SNTG1: variants seen among roughly 807,000 people sequenced by gnomAD.
The protein encoded by SNTG1 is gamma-1-syntrophin.
In SNTG1, 39 loss-of-function variants were observed where a neutral mutation model predicts 74.7. That is an observed-to-expected ratio of 0.52 (90% CI 0.40 to 0.68). The LOEUF (loss-of-function observed/expected upper bound fraction) is 0.68. Ranked by LOEUF, SNTG1 falls within the 30% of genes least tolerant of loss-of-function variation. The probability of loss-of-function intolerance (pLI) is 0.00; values close to 1 mark genes in which losing one functional copy is unlikely to be tolerated. For missense variants in SNTG1, 685 were observed against 609.5 expected (o/e 1.12, Z -1.30); for synonymous variants, 254 against 217.1 (o/e 1.17, Z -1.49).
intron 1 of SNTG1, among the ~76,000 whole-genome samples, chr8:49,925,957 T>C (rs1806984942): frequency 6.6e-6 from 1 of 152,116 alleles, no homozygotes; most frequent in African/African-American, 2.4e-5. Flanking sequence ...GCACACTTGA[T>C]CACTTAATAG....
intron 2 of SNTG1, among the ~76,000 whole-genome samples, chr8:50,254,944 GC>G (rs1424551657): frequency 8.0e-6 from 1 of 125,054 alleles, no homozygotes; most frequent in African/African-American, 2.8e-5. Flanking sequence ...CTCTTTTATT[GC>G]CACTTTTTTT....
At chr8:50,733,321 C>T (rs1352462245) in intron 17 of SNTG1, among the ~76,000 whole-genome samples, 2 of 151,282 alleles carry the variant, frequency 1.3e-5, no homozygotes, top group Non-Finnish European at 3.0e-5. Context: ...TTTTTTTTTC[C>T]AATCTACCAT....
At chr8:50,584,386 C>T (rs1438017969) in intron 12 of SNTG1, among the ~76,000 whole-genome samples, 1 of 152,052 alleles carries the variant, frequency 6.6e-6, no homozygotes, top group African/African-American at 2.4e-5. Context: ...CCACCAACAG[C>T]GTAAAAGTGT....
At chr8:50,498,450 G>A (rs867797446) in intron 8 of SNTG1, among the ~76,000 whole-genome samples, 7 of 151,804 alleles carry the variant, frequency 4.6e-5, no homozygotes, top group Middle Eastern at 3.4e-3. Flanking sequence ...TTTATTAGGC[G>A]TTTGTATTAT....
intron 8 of SNTG1, among the ~76,000 whole-genome samples, chr8:50,494,521 T>A (rs2093886669): frequency 6.6e-6 from 1 of 152,064 alleles, no homozygotes; most frequent in African/African-American, 2.4e-5. Flanking sequence ...TGATGCTTTT[T>A]CAAAGTAGAA....
intron 2 of SNTG1, among the ~76,000 whole-genome samples, chr8:50,238,920 T>C (rs953282021): frequency 2.6e-5 from 4 of 151,810 alleles, no homozygotes; most frequent in Non-Finnish European, 5.9e-5. Context: ...ATTAGAAAAA[T>C]GCAAATCAAA....
At chr8:50,206,474 G>A (rs545383134) in intron 2 of SNTG1, among the ~76,000 whole-genome samples, 23 of 152,268 alleles carry the variant, frequency 1.5e-4, no homozygotes, top group African/African-American at 2.9e-4. Flanking sequence ...AGGCTGAGAC[G>A]ATGGGGTTTT....
intron 2 of SNTG1, among the ~76,000 whole-genome samples, chr8:50,255,066 T>C (rs1465932930): frequency 6.6e-6 from 1 of 151,924 alleles, no homozygotes; most frequent in Non-Finnish European, 1.5e-5. Flanking sequence ...ACTGTGATTT[T>C]GTTTGCTGTA....
rs572105257 is a variant in SNTG1, at chr8:50,085,688, C to A, written c.-102-86873C>A. Among the ~76,000 whole-genome samples, 6 of 152,318 alleles carry A rather than the reference C, an allele frequency of 3.9e-5. No individual in the cohort carries two copies. In the East Asian group the frequency reaches 1.2e-3, roughly 29 times the overall value. ...CAGCAGGATATAAAGTAATCCTGAC[C>A]TGGAGCCTAGAATGTAAATCATTAT... On this transcript the variant is annotated intron_variant, in intron 1 of 18. Transcript: ENST00000642720.
chr8:50,145,305 T>C (rs537976390), intron 1 of SNTG1, among the ~76,000 whole-genome samples: 1 of 152,306 alleles, frequency 6.6e-6, no homozygotes, highest in East Asian at 1.9e-4. Context: ...AAAATCTATA[T>C]ACAAATATAT....
Position 50,079,737 on chromosome 8 carries a change from TGTATAA to T in SNTG1, c.-102-92816_-102-92811del, listed in dbSNP as rs757987466. Reference sequence around the variant, plus strand: ...CTTTAATCAATCTTGGGTTAATTTTTGTATAAGTATAAGAAAGGGGTCCAGTTTCTG... The same window carrying T: ...CTTTAATCAATCTTGGGTTAATTTTTGTATAAGAAAGGGGTCCAGTTTCTG... On this transcript the variant is annotated intron_variant, in intron 1 of 18. Coordinates refer to ENST00000642720, the MANE Select transcript of SNTG1 (RefSeq NM_018967.5). Among the ~76,000 whole-genome samples, 20 of 152,350 alleles carry T rather than the reference TGTATAA, an allele frequency of 1.3e-4. No homozygotes were observed. In the South Asian group the frequency reaches 1.4e-3, roughly 11 times the overall value.
At chr8:50,491,154 A>T (rs1411021916) in intron 8 of SNTG1, 4 of 152,192 alleles carry the variant, frequency 2.6e-5, no homozygotes, top group African/African-American at 9.7e-5. Flanking sequence ...TCTGCCGGGA[A>T]CCTCTGATCC....
At chr8:50,265,383 C>A (rs1048516787) in intron 2 of SNTG1, among the ~76,000 whole-genome samples, 1 of 151,966 alleles carries the variant, frequency 6.6e-6, no homozygotes, top group Admixed American at 6.6e-5. Flanking sequence ...ACCGGATTTT[C>A]TTAATAGATG....
chr8:50,640,753 C>T (rs1475309333), intron 13 of SNTG1, among the ~76,000 whole-genome samples: 1 of 152,102 alleles, frequency 6.6e-6, no homozygotes, highest in Non-Finnish European at 1.5e-5. Flanking sequence ...CTTCATGTCT[C>T]CTTAACACAT....
chr8:50,469,559 C>T (rs548619635), intron 8 of SNTG1, among the ~76,000 whole-genome samples: 86 of 152,252 alleles, frequency 5.6e-4, no homozygotes, highest in Admixed American at 3.5e-3. Context: ...ATGTGCCAGC[C>T]CCCACTCCCC....
At chr8:50,307,091 T>G (rs566202235) in intron 2 of SNTG1, among the ~76,000 whole-genome samples, 1 of 152,204 alleles carries the variant, frequency 6.6e-6, no homozygotes, top group East Asian at 1.9e-4. Context: ...TTTCTTTGAC[T>G]GAATATACCA....
At chr8:50,744,030 A>G (rs529936603) in intron 17 of SNTG1, among the ~76,000 whole-genome samples, 51 of 152,060 alleles carry the variant, frequency 3.4e-4, no homozygotes, top group Admixed American at 2.9e-3. Flanking sequence ...CCAGACTGAG[A>G]GCTCACTTAT....
chr8:50,607,176 A>G (rs2094818811), intron 13 of SNTG1, among the ~76,000 whole-genome samples: 1 of 151,828 alleles, frequency 6.6e-6, no homozygotes, highest in African/African-American at 2.4e-5. Flanking sequence ...TTTAATTTTC[A>G]TATATTTGGG....
At chr8:50,591,618 T>A (rs2094692296) in intron 13 of SNTG1, among the ~76,000 whole-genome samples, 1 of 152,230 alleles carries the variant, frequency 6.6e-6, no homozygotes, top group African/African-American at 2.4e-5. Context: ...ATCTATGCTA[T>A]CATTATCATC....
Sources: gnomAD v4.1 joint callset for allele counts (sites outside exome capture counted in the v4.1 genomes callset) on GRCh38, gnomAD v4.1.1 for gene constraint, MANE v1.5 for transcripts, NCBI Gene and HGNC (gene_info 2026-07-23, HGNC 2026-07-21) for gene names.